Variants in MED4 observed in about 807,000 individuals in gnomAD.
MED4 encodes the protein mediator complex subunit 4.
MED4 carries 21 observed loss-of-function variants against 35.0 expected under a neutral mutation model. The ratio of observed to expected loss-of-function variants is 0.60; its 90% CI spans 0.43 to 0.86. MED4 has a LOEUF of 0.86. Ranked by LOEUF, MED4 falls within the 40% of genes least tolerant of loss-of-function variation. MED4 has a pLI of 0.00. For missense variants in MED4, 300 were observed against 319.4 expected (o/e 0.94, Z 0.46); for synonymous variants, 138 against 114.0 (o/e 1.21, Z -1.34).
intron 3 of MED4, among the ~76,000 whole-genome samples, chr13:48,084,330 A>G (rs1318478382): frequency 6.6e-6 from 1 of 151,540 alleles, no homozygotes; most frequent in Non-Finnish European, 1.5e-5. Flanking sequence ...AATTCAATCT[A>G]CTTTTTAGCC....
chr13:48,093,743 T>C (rs762814612), intron 1 of MED4: 1 of 236,788 alleles, frequency 4.2e-6, no homozygotes, highest in Non-Finnish European at 9.0e-6. Flanking sequence ...TAATTTCTGC[T>C]GTCTAGGTGT....
intron 3 of MED4, among the ~76,000 whole-genome samples, chr13:48,084,868 T>C (rs941436293): frequency 6.6e-6 from 1 of 151,160 alleles, no homozygotes; most frequent in Non-Finnish European, 1.5e-5. Flanking sequence ...TATACAAACA[T>C]ATAAATAATA....
rs758989772 is a variant in MED4, at chr13:48,081,748, A to G, written c.422-17T>C. 1 of 1,545,368 alleles carries G rather than the reference A, an allele frequency of 6.5e-7. No individual in the cohort carries two copies. Among genetic ancestry groups the G allele is most frequent in the Admixed American group, 1.7e-5 (1 of 58,488 alleles). On this transcript the variant is annotated splice_polypyrimidine_tract_variant and intron_variant, in intron 4 of 6. Coordinates refer to ENST00000258648, the MANE Select transcript of MED4 (RefSeq NM_014166.4). The stretch of plus-strand genomic sequence containing the variant: ...AGATAGCACCTGAAAGAGTTTTAAG[A>G]GGACAGTATAACCTGTAGTCTAACA...
At chr13:48,083,680 A>G (rs1408137802) in intron 3 of MED4, among the ~76,000 whole-genome samples, 1 of 152,194 alleles carries the variant, frequency 6.6e-6, no homozygotes, top group African/African-American at 2.4e-5. Context: ...CATAAATTGG[A>G]TTGTCTTTTT....
chr13:48,078,084 T>C (rs1178309282), intron 6 of MED4, among the ~76,000 whole-genome samples: 2 of 152,206 alleles, frequency 1.3e-5, no homozygotes, highest in East Asian at 1.9e-4. Flanking sequence ...TGTATGCATA[T>C]GAAATACCTT....
chr13:48,080,157 G>A (rs964904387), intron 5 of MED4, among the ~76,000 whole-genome samples, 182 bp from the exon 6 acceptor site: 2 of 152,038 alleles, frequency 1.3e-5, no homozygotes, highest in Non-Finnish European at 2.9e-5. Context: ...AGCACTTTAG[G>A]AGGACGAGGT....
At position 48,086,728 on chromosome 13, in the gene MED4, G is replaced by C. The variant is rs117995500; in HGVS notation, c.193-276C>G. Among the ~76,000 whole-genome samples, 674 of 152,228 alleles carry C rather than the reference G, an allele frequency of 4.4e-3. 7 individuals are homozygous for C. Among genetic ancestry groups the C allele is most frequent in the Admixed American group, 8.6e-3 (132 of 15,296 alleles). On this transcript the variant is annotated intron_variant, in intron 2 of 6. Transcript: ENST00000258648. ...ATATGGCAACATGAGCAAGTTTAGT[G>C]ATTTCCTAGGGAAGACACGATTTTA...
In MED4 at chr13:48,090,207, A is replaced by G. The variant is rs1570983; in HGVS notation, c.192+145T>C. On this transcript the variant is annotated intron_variant, in intron 2 of 6. Coordinates refer to ENST00000258648, the MANE Select transcript of MED4 (RefSeq NM_014166.4). Reference sequence around the variant, plus strand: ...ATGATACAAAGAAAATACCAATATTAAAGTTTTAATTAATAACTTAAAAGG... The same window carrying G: ...ATGATACAAAGAAAATACCAATATTGAAGTTTTAATTAATAACTTAAAAGG... The G allele has an allele frequency of 1.1e-3, 661 of 609,354 alleles. 2 individuals carry two copies. The African/African-American group carries it at 0.012, about 11-fold the overall frequency. The allele number at this position is 609,354 out of a possible 1,614,324, so 37.7% of individuals were successfully genotyped here.
intron 1 of MED4, 94 bp downstream of exon 1, chr13:48,094,860 G>A: frequency 2.0e-6 from 3 of 1,535,628 alleles, no homozygotes; most frequent in Non-Finnish European, 2.6e-6. Context: ...CCTCCCCGCC[G>A]AACCCCGAGA....
Position 48,077,104 on chromosome 13 carries a change from A to G in MED4, c.*35T>C. The stretch of plus-strand genomic sequence containing the variant: ...TACTGTTAAAGAAACAGAATTCTAC[A>G]GTATTCAATTCTGTATATTGTCTTT... On this transcript the variant is annotated 3_prime_UTR_variant, in exon 7 of 7. Coordinates refer to ENST00000258648, the MANE Select transcript of MED4 (RefSeq NM_014166.4). 1 of 1,524,574 alleles carries G rather than the reference A, an allele frequency of 6.6e-7. No individual in the cohort carries two copies. The highest frequency in any genetic ancestry group is 8.8e-7 in the Non-Finnish European group (1 of 1,132,654). 94.4% of individuals were successfully genotyped at this position (1,524,574 alleles called of 1,614,324 possible).
intron 1 of MED4, chr13:48,093,413 T>C (rs1261671602): frequency 8.2e-6 from 2 of 244,672 alleles, no homozygotes; most frequent in African/African-American, 4.5e-5. Context: ...CCACTATTTT[T>C]AAAGAGGCTA....
intron 2 of MED4, among the ~76,000 whole-genome samples, chr13:48,089,624 T>C (rs1302592518): frequency 6.6e-6 from 1 of 152,134 alleles, no homozygotes; most frequent in Non-Finnish European, 1.5e-5. Flanking sequence ...TTATAGCGCA[T>C]GCCTATAGTC....
chr13:48,092,174 C>T (rs1950894441), intron 1 of MED4, among the ~76,000 whole-genome samples: 1 of 152,162 alleles, frequency 6.6e-6, no homozygotes, highest in Non-Finnish European at 1.5e-5. Flanking sequence ...ATGGCGCGAT[C>T]TCGGCTCACC....
chr13:48,088,292 A>T (rs958859946), intron 2 of MED4, among the ~76,000 whole-genome samples: 7 of 152,254 alleles, frequency 4.6e-5, no homozygotes, highest in Non-Finnish European at 1.5e-5. Flanking sequence ...GATTTGTTGA[A>T]GACTAAAAAG....
In MED4 at chr13:48,083,535, A is replaced by T. The variant is rs911404044; in HGVS notation, c.364-107T>A. On this transcript the variant is annotated intron_variant, in intron 3 of 6. Transcript: ENST00000258648. ...TTAGCCTACAAGAACAATCTTTGAA[A>T]CTTGGAAATCCCAACAATTTATTTG... 9.2e-6 allele frequency: 7 copies of T among 763,128 alleles called. No homozygotes were observed. The African/African-American group carries it at 1.2e-4, about 14-fold the overall frequency. 47.3% of individuals were successfully genotyped at this position (763,128 alleles called of 1,614,324 possible). A position where few individuals can be genotyped will look rare whatever the true frequency, so the allele number is the denominator to read the frequency against.
At chr13:48,089,737 G>A (rs775036958) in intron 2 of MED4, among the ~76,000 whole-genome samples, 11 of 152,226 alleles carry the variant, frequency 7.2e-5, no homozygotes, top group Non-Finnish European at 1.3e-4. Flanking sequence ...GCTACAGAGC[G>A]AGAACTTGTC....
At chr13:48,088,289 T>C (rs180987963) in intron 2 of MED4, among the ~76,000 whole-genome samples, 18 of 152,360 alleles carry the variant, frequency 1.2e-4, no homozygotes, top group African/African-American at 4.3e-4. Context: ...AAAGATTTGT[T>C]GAAGACTAAA....
At position 48,094,876 on chromosome 13, in the gene MED4, C is replaced by G. The variant is rs1950917104; in HGVS notation, c.125+78G>C. On this transcript the variant is annotated intron_variant, in intron 1 of 6. Transcript: ENST00000258648. ...CTCCCCGCCGAACCCCGAGAACGAGCACAAACGCAGGGCCGGCCGGCTCCG... is the reference window on the plus strand; with the variant it reads ...CTCCCCGCCGAACCCCGAGAACGAGGACAAACGCAGGGCCGGCCGGCTCCG... The G allele has an allele frequency of 1.9e-6, 3 of 1,567,960 alleles. No individual in the cohort carries two copies. The South Asian group carries it at 3.3e-5, about 17-fold the overall frequency.
chr13:48,090,227 A>T, intron 2 of MED4, 125 bp downstream of exon 2: 2 of 723,680 alleles, frequency 2.8e-6, no homozygotes, highest in Non-Finnish European at 4.5e-6. Flanking sequence ...TTAATAACTT[A>T]AAAGGATCCA....
Sources: allele counts gnomAD v4.1 joint callset (sites outside exome capture counted in the v4.1 genomes callset), GRCh38; gene constraint gnomAD v4.1.1; transcripts MANE v1.5; gene names NCBI Gene and HGNC (gene_info 2026-07-23, HGNC 2026-07-21).